The following AP1AR variants were observed in gnomAD, a reference collection of about 807,000 sequenced individuals.
AP1AR encodes the protein AP-1 complex-associated regulatory protein.
AP1AR carries 29 observed loss-of-function variants against 46.3 expected under a neutral mutation model. That is an observed-to-expected ratio of 0.63 (90% confidence interval 0.47 to 0.85). The LOEUF is 0.85. Among genes scored for constraint, AP1AR ranks in the 40% least tolerant of loss-of-function variants. The pLI is 0.00. For missense variants in AP1AR, 357 were observed against 356.3 expected (o/e 1.00, Z -0.02); for synonymous variants, 122 against 122.9 (o/e 0.99, Z 0.05).
chr4:112,262,718 A>G (rs1345670606), intron 5 of AP1AR, among the ~76,000 whole-genome samples: 2 of 152,204 alleles, frequency 1.3e-5, no homozygotes, highest in East Asian at 3.8e-4. Flanking sequence ...TGCAGATTCT[A>G]AAGAAACACT....
intron 6 of AP1AR, 68 bp from the exon 7 acceptor site, chr4:112,264,941 C>A: frequency 8.3e-7 from 1 of 1,202,998 alleles, no homozygotes; most frequent in Non-Finnish European, 1.2e-6. Context: ...TTTGGTGTTG[C>A]ATGAGTGGTT....
intron 9 of AP1AR, 169 bp downstream of exon 9, chr4:112,266,885 T>C: frequency 1.8e-6 from 1 of 557,612 alleles, no homozygotes; most frequent in Non-Finnish European, 2.9e-6. Context: ...TTGATAAAAA[T>C]TTTTAGAAAA....
In AP1AR at chr4:112,273,014, C is replaced by T. The variant is rs1402378214; in HGVS notation, c.*4605C>T. 6.6e-5 allele frequency: 10 copies of T among 151,834 alleles called. No homozygotes were observed. The highest frequency in any genetic ancestry group is 1.5e-4 in the Non-Finnish European group (10 of 67,984). The allele number at this position is 151,834 out of a possible 1,614,324, so 9.4% of individuals were successfully genotyped here. On this transcript the variant is annotated 3_prime_UTR_variant, in exon 10 of 10. Transcript: ENST00000274000. ...TTGGTATTTCTGGTTAATTGTCTGA[C>T]AGTAAAGGAGTTCACAAAAGAAATC...
Position 112,268,678 on chromosome 4 carries a change from C to A in AP1AR, c.*269C>A. ...AATTTACTTTGTCTTGTCTTTATAG[C>A]ATTTCTGTTTACTATGGTAGATTTC... is the stretch of plus-strand genomic sequence containing the variant. On this transcript the variant is annotated 3_prime_UTR_variant, in exon 10 of 10. Coordinates refer to ENST00000274000, the MANE Select transcript of AP1AR (RefSeq NM_018569.6). 1 of 283,718 alleles carries A rather than the reference C, an allele frequency of 3.5e-6. No homozygotes were observed. Among genetic ancestry groups the A allele is most frequent in the Non-Finnish European group, 6.5e-6 (1 of 154,154 alleles). The allele number at this position is 283,718 out of a possible 1,614,324, so 17.6% of individuals were successfully genotyped here. A position where few individuals can be genotyped will look rare whatever the true frequency, so the allele number is the denominator to read the frequency against.
rs1726854694 is a variant in AP1AR, at chr4:112,269,402, T to G, written c.*993T>G. 6.6e-6 allele frequency: 1 copy of G among 152,406 alleles called. No homozygotes were observed. The highest frequency in any genetic ancestry group is 2.4e-5 in the African/African-American group (1 of 41,418). The allele number at this position is 152,406 out of a possible 1,614,324, so 9.4% of individuals were successfully genotyped here. ...TGGGATAGAACTAAGCATATCAATATCTATAACTGCATTTTGTGCTAGACA... is the reference window on the plus strand; with the variant it reads ...TGGGATAGAACTAAGCATATCAATAGCTATAACTGCATTTTGTGCTAGACA... On this transcript the variant is annotated 3_prime_UTR_variant, in exon 10 of 10. Transcript: ENST00000274000.
chr4:112,241,935 A>G (rs1478977286), intron 1 of AP1AR, among the ~76,000 whole-genome samples: 2 of 152,178 alleles, frequency 1.3e-5, no homozygotes, highest in East Asian at 3.8e-4. Context: ...TTTTTAATAG[A>G]CTTTGGAACA....
chr4:112,250,754 CAA>C (rs1725925608), intron 1 of AP1AR, among the ~76,000 whole-genome samples: 1 of 152,142 alleles, frequency 6.6e-6, no homozygotes, highest in South Asian at 2.1e-4. Flanking sequence ...ATTTTGTGAA[CAA>C]AGTCTCAATC....
intron 1 of AP1AR, among the ~76,000 whole-genome samples, chr4:112,240,242 A>T (rs941492716): frequency 6.6e-6 from 1 of 151,712 alleles, no homozygotes; most frequent in African/African-American, 2.4e-5. Flanking sequence ...CTTTTCCTTG[A>T]ATCTATTTCT....
At chr4:112,253,313 T>C (rs1726042844) in intron 2 of AP1AR, 57 bp downstream of exon 2, 3 of 1,343,256 alleles carry the variant, frequency 2.2e-6, no homozygotes, top group African/African-American at 1.5e-5. Context: ...CGGAAGGGGC[T>C]TTTTGTTGTA....
intron 1 of AP1AR, among the ~76,000 whole-genome samples, chr4:112,241,672 G>A (rs1047827044): frequency 2.6e-5 from 4 of 152,122 alleles, no homozygotes; most frequent in Non-Finnish European, 5.9e-5. Flanking sequence ...CCAGATATCT[G>A]GGCATCTGGT....
Position 112,232,172 on chromosome 4 carries a change from A to G in AP1AR, c.81A>G (p.Gly27=). Residue 27 remains glycine (G), a splice_region_variant and synonymous_variant, in exon 1 of 10, where the codon GGA becomes GGG. Transcript: ENST00000274000. ...AGRLQRVGGG[G]GSKYFRTCSR... The stretch of plus-strand genomic sequence containing the variant: ...GGCTGCAGCGAGTAGGCGGCGGCGG[A>G]GGGTAAGCCCGCTGGGGGAGGGGCC... 1.6e-6 allele frequency: 2 copies of G among 1,278,604 alleles called. No homozygotes were observed. The highest frequency in any genetic ancestry group is 2.0e-6 in the Non-Finnish European group (2 of 1,004,074). The allele number at this position is 1,278,604 out of a possible 1,614,324, so 79.2% of individuals were successfully genotyped here.
Position 112,272,205 on chromosome 4 carries a change from A to C in AP1AR, c.*3796A>C, listed in dbSNP as rs1479602199. On this transcript the variant is annotated 3_prime_UTR_variant, in exon 10 of 10. Transcript: ENST00000274000. ...TGGAGTTATAGAAGGGTTTTTATTT[A>C]AAAGATACTAGCTTTAGAGTAGATA... Among the ~76,000 whole-genome samples the C allele has an allele frequency of 6.6e-6, 1 of 152,152 alleles. No homozygotes were observed. Among genetic ancestry groups the C allele is most frequent in the Non-Finnish European group, 1.5e-5 (1 of 68,028 alleles).
intron 1 of AP1AR, among the ~76,000 whole-genome samples, chr4:112,239,527 C>A (rs1725391110): frequency 6.6e-6 from 1 of 152,188 alleles, no homozygotes; most frequent in Non-Finnish European, 1.5e-5. Flanking sequence ...TAGCTGCTAA[C>A]CTAGGGGTTG....
At position 112,265,656 on chromosome 4, in the gene AP1AR, A is replaced by G. The variant is rs1049148248; in HGVS notation, c.441-78A>G. 4.9e-5 allele frequency: 51 copies of G among 1,041,696 alleles called. No individual in the cohort carries two copies. In the Admixed American group the frequency reaches 5.7e-4, roughly 12 times the overall value. 64.5% of individuals were successfully genotyped at this position (1,041,696 alleles called of 1,614,324 possible). ...GTATGACATAGGTCTTCAAGCCACA[A>G]TGCCATCATTAGCTTATATATTTGT... On this transcript the variant is annotated intron_variant, in intron 7 of 9. Coordinates refer to ENST00000274000, the MANE Select transcript of AP1AR (RefSeq NM_018569.6).
intron 2 of AP1AR, among the ~76,000 whole-genome samples, chr4:112,253,496 A>G (rs980602520): frequency 4.6e-5 from 7 of 152,206 alleles, no homozygotes; most frequent in Non-Finnish European, 8.8e-5. Flanking sequence ...CCTATAAGTC[A>G]GGGAGAAGGT....
In AP1AR at chr4:112,231,944, C is replaced by G. The variant is rs1209717140; in HGVS notation, c.-148C>G. The G allele has an allele frequency of 1.7e-6, 1 of 597,590 alleles. No individual in the cohort carries two copies. Among genetic ancestry groups the G allele is most frequent in the Non-Finnish European group, 2.5e-6 (1 of 399,532 alleles). The allele number at this position is 597,590 out of a possible 1,614,324, so 37.0% of individuals were successfully genotyped here. ...CCTAGCGCCTCGTCTTTCGTCGCCC[C>G]GTGCCCTCACGCCGCCGGGCTCTGG... On this transcript the variant is annotated 5_prime_UTR_variant, in exon 1 of 10. Transcript: ENST00000274000.
chr4:112,236,992 A>G (rs893239659), intron 1 of AP1AR, among the ~76,000 whole-genome samples: 1 of 152,334 alleles, frequency 6.6e-6, no homozygotes, highest in Admixed American at 6.5e-5. Context: ...GGACAAAGCA[A>G]TGTAACCTTA....
chr4:112,257,135 G>T (rs1030972348), intron 3 of AP1AR, among the ~76,000 whole-genome samples: 6 of 152,088 alleles, frequency 3.9e-5, no homozygotes, highest in Admixed American at 1.3e-4. Flanking sequence ...ATTTTAAACA[G>T]AAATCACCAG....
At chr4:112,244,569 A>G (rs934823126) in intron 1 of AP1AR, among the ~76,000 whole-genome samples, 4 of 152,114 alleles carry the variant, frequency 2.6e-5, no homozygotes, top group Non-Finnish European at 4.4e-5. Context: ...CCTATATTGG[A>G]GGGTTTCTAA....
Sources: gnomAD v4.1 joint callset for allele counts (sites outside exome capture counted in the v4.1 genomes callset) on GRCh38, gnomAD v4.1.1 for gene constraint, MANE v1.5 for transcripts, NCBI Gene and HGNC (gene_info 2026-07-23, HGNC 2026-07-21) for gene names.